Variants in NAV1 observed in about 807,000 individuals in gnomAD.
The protein encoded by NAV1 is pore membrane and/or filament interacting like protein 3.
NAV1 carries 18 observed loss-of-function variants against 175.2 expected under a neutral mutation model. The ratio of observed to expected loss-of-function variants is 0.10; its 90% CI spans 0.07 to 0.15. The LOEUF (loss-of-function observed/expected upper bound fraction) is 0.15. Ranked by LOEUF, NAV1 falls within the 10% of genes least tolerant of loss-of-function variation. The pLI, the probability that NAV1 is intolerant of heterozygous loss-of-function variation, is 1.00. For synonymous variants in NAV1, 897 were observed against 978.7 expected (o/e 0.92, Z 1.56); for missense variants, 1,731 against 2,436.6 (o/e 0.71, Z 6.10).
At chr1:201,793,332 G>A (rs73088461) in intron 13 of NAV1, 6,495 of 154,876 alleles carry the variant, frequency 0.042, 441 homozygotes, top group African/African-American at 0.14. Flanking sequence ...AGTAGCAGAG[G>A]AGGAAGAAAC....
At chr1:201,599,705 T>A (rs1420805757) in intron 2 of NAV1, among the ~76,000 whole-genome samples, 1 of 152,142 alleles carries the variant, frequency 6.6e-6, no homozygotes, top group African/African-American at 2.4e-5. Flanking sequence ...GCGCCTGCTC[T>A]GATTCTCTTC....
chr1:201,810,904 C>T lies in NAV1; in HGVS notation c.4797+146C>T, dbSNP rs1213699285. The T allele has an allele frequency of 1.6e-6, 1 of 643,618 alleles. No homozygotes were observed. Among genetic ancestry groups the T allele is most frequent in the Non-Finnish European group, 2.7e-6 (1 of 372,066 alleles). 39.9% of individuals were successfully genotyped at this position (643,618 alleles called of 1,614,324 possible). On this transcript the variant is annotated intron_variant, in intron 24 of 29. Coordinates refer to ENST00000367296, the Ensembl canonical transcript of NAV1. The surrounding 1 kb of genome is among the most constrained non-coding windows in gnomAD (Gnocchi z 6.0). ...CTCTTCTGTGTTCATTTCCTTCCCT[C>T]TCTATCTATCCCCTTTTCCAGTCTT...
chr1:201,746,018 G>A (rs1009196680), intron 3 of NAV1, among the ~76,000 whole-genome samples: 6 of 151,348 alleles, frequency 4.0e-5, no homozygotes, highest in South Asian at 2.1e-4. Context: ...TGTAGAGGCC[G>A]GGTTTTGCCG....
At chr1:201,765,364 G>C (rs1675135173) in intron 3 of NAV1, among the ~76,000 whole-genome samples, 1 of 136,230 alleles carries the variant, frequency 7.3e-6, no homozygotes, top group African/African-American at 2.8e-5. Flanking sequence ...GGATGGGTTT[G>C]ATCTTCAGGA....
rs141087147 is a variant in NAV1 at position 201,694,994 on chromosome 1, G to A, written c.758-17823G>A. Among the ~76,000 whole-genome samples, 81 of 152,332 alleles carry A rather than the reference G, an allele frequency of 5.3e-4. No individual in the cohort carries two copies. The highest frequency in any genetic ancestry group is 1.9e-4 in the East Asian group (1 of 5,188). On this transcript the variant is annotated intron_variant, in intron 1 of 29. Transcript: ENST00000367296. The surrounding 1 kb of genome is among the most constrained non-coding windows in gnomAD (Gnocchi z 4.2). ...CAAATGTAGAGGGACAGTAGAGATCGTCTGCCAAAAGGGTTCATATATCCA... is the reference window on the plus strand; with the variant it reads ...CAAATGTAGAGGGACAGTAGAGATCATCTGCCAAAAGGGTTCATATATCCA...
At chr1:201,771,340 A>C (rs1203695995) in intron 3 of NAV1, among the ~76,000 whole-genome samples, 1 of 151,634 alleles carries the variant, frequency 6.6e-6, no homozygotes, top group Non-Finnish European at 1.5e-5. Flanking sequence ...GCGAAACTCC[A>C]TCTCTACTTA....
At chr1:201,729,304 T>TA (rs765264090) in intron 3 of NAV1, among the ~76,000 whole-genome samples, 5 of 152,250 alleles carry the variant, frequency 3.3e-5, no homozygotes, top group Non-Finnish European at 5.9e-5. Flanking sequence ...AGAATACGAA[T>TA]ACGGCAATAG....
chr1:201,773,958 T>A (rs1221031112), intron 3 of NAV1, among the ~76,000 whole-genome samples: 1 of 152,226 alleles, frequency 6.6e-6, no homozygotes, highest in Non-Finnish European at 1.5e-5. Flanking sequence ...GCCATTGTTC[T>A]TATAAGAACT....
At chr1:201,592,653 G>T (rs576198863) in intron 2 of NAV1, among the ~76,000 whole-genome samples, 1 of 152,238 alleles carries the variant, frequency 6.6e-6, no homozygotes, top group East Asian at 1.9e-4. Flanking sequence ...GTGGTCTTTG[G>T]ATTGTGCTCT....
intron 1 of NAV1, among the ~76,000 whole-genome samples, chr1:201,549,088 T>TTTCC (rs1665755529): frequency 9.4e-6 from 1 of 106,778 alleles, no homozygotes; most frequent in Non-Finnish European, 2.3e-5. Flanking sequence ...TCTTTCTTTC[T>TTTCC]TTCTTTCTTT....
intron 15 of NAV1, among the ~76,000 whole-genome samples, chr1:201,801,164 G>A (rs980134611): frequency 2.0e-5 from 3 of 152,176 alleles, no homozygotes; most frequent in Non-Finnish European, 4.4e-5. Context: ...AATAACTGAA[G>A]TACTCTGTAG....
intron 1 of NAV1, among the ~76,000 whole-genome samples, chr1:201,693,395 C>T (rs1671039806): frequency 6.6e-6 from 1 of 152,214 alleles, no homozygotes; most frequent in South Asian, 2.1e-4. Context: ...TGAATGGAGG[C>T]TGCTCACTCA....
chr1:201,726,996 C>T (rs1571909739), intron 3 of NAV1, among the ~76,000 whole-genome samples: 1 of 152,214 alleles, frequency 6.6e-6, no homozygotes, highest in South Asian at 2.1e-4. Context: ...TCTTTTCCTT[C>T]CTAGCTCTGT....
At chr1:201,809,233 G>C (rs1678531873) in exon 21 of NAV1, 1 of 1,613,808 alleles carries the variant, frequency 6.2e-7, no homozygotes, top group African/African-American at 1.3e-5. Flanking sequence ...GTGGTGGTGA[G>C]GATGCCCCCG....
At chr1:201,686,490 C>T (rs540528847) in intron 1 of NAV1, among the ~76,000 whole-genome samples, 1 of 152,348 alleles carries the variant, frequency 6.6e-6, no homozygotes, top group South Asian at 2.1e-4. Context: ...GAGCAAGCCC[C>T]TGACTCTAGG....
exon 1 of NAV1, chr1:201,649,066 C>T (rs779616061): frequency 1.2e-6 from 2 of 1,613,394 alleles, no homozygotes; most frequent in East Asian, 2.2e-5. Context: ...CGTGAAGCTC[C>T]GCTGATGTCC....
At chr1:201,643,856 G>T (rs576326307), upstream of NAV1, among the ~76,000 whole-genome samples, 3 of 152,146 alleles carry the variant, frequency 2.0e-5, no homozygotes, top group African/African-American at 7.2e-5. Context: ...GGTTACATCC[G>T]TTTCTAATCA....
In NAV1 at chr1:201,562,871, C is replaced by A. The variant is rs1465824144; in HGVS notation, c.-144+23529C>A. Among the ~76,000 whole-genome samples, 5 of 152,178 alleles carry A rather than the reference C, an allele frequency of 3.3e-5. No homozygotes were observed. In the East Asian group the frequency reaches 9.6e-4, roughly 29 times the overall value. On this transcript the variant is annotated intron_variant, in intron 1 of 33. Coordinates refer to the NAV1 transcript ENST00000685211. ...CAGTGAGTCACCAGAAGTCCAATAC[C>A]TCAGTCCAGATCCTGGATGCTGTTG...
chr1:201,781,289 A>G, exon 5 of NAV1: 1 of 1,610,632 alleles, frequency 6.2e-7, no homozygotes, highest in Non-Finnish European at 8.5e-7. Flanking sequence ...CACACAGCCC[A>G]GAGTGCCCTC....
Sources: allele counts gnomAD v4.1 joint callset (sites outside exome capture counted in the v4.1 genomes callset), GRCh38; gene constraint gnomAD v4.1.1; non-coding constraint Gnocchi (gnomAD v3.1); transcripts MANE v1.5; gene names NCBI Gene and HGNC (gene_info 2026-07-23, HGNC 2026-07-21).